ELF4: variants seen among roughly 807,000 people sequenced by gnomAD.
The protein encoded by ELF4 is ETS-related transcription factor Elf-4.
ELF4 carries 10 observed loss-of-function variants against 31.7 expected under a neutral mutation model. The observed-to-expected ratio is 0.32, with a 90% CI of 0.19 to 0.54. The LOEUF (loss-of-function observed/expected upper bound fraction) is 0.54. Ranked by LOEUF, ELF4 falls within the 20% of genes least tolerant of loss-of-function variation. ELF4 has a pLI of 0.95. For synonymous variants in ELF4, 208 were observed against 226.7 expected, an observed-to-expected ratio of 0.92 and a Z score of 0.74; for missense variants, 418 against 522.0, an observed-to-expected ratio of 0.80 and a Z score of 1.94.
At position 130,064,197 on chromosome X, in the gene ELF4, G is replaced by A. The variant is rs2063242351; in HGVS notation, c.*2524C>T. ...TCACGCCTGTAATCCCAGCACTTTG[G>A]GAGGCCAAGGTGGGTGGATCACCTG... On this transcript the variant is annotated 3_prime_UTR_variant, in exon 9 of 9. Coordinates refer to ENST00000308167, the MANE Select transcript of ELF4 (RefSeq NM_001421.4). Among the ~76,000 whole-genome samples, 1 of 110,692 alleles carries A rather than the reference G, an allele frequency of 9.0e-6. No individual in the cohort carries two copies. The highest frequency in any genetic ancestry group is 1.9e-5 in the Non-Finnish European group (1 of 52,928).
At chrX:130,083,172 G>A (rs1339064186) in intron 1 of ELF4, among the ~76,000 whole-genome samples, 1 of 98,476 alleles carries the variant, frequency 1.0e-5, no homozygotes, top group African/African-American at 3.8e-5. Context: ...CAACCTCTCA[G>A]GTCTGAATTT....
chrX:130,070,086 G>A (rs1049987900), intron 7 of ELF4, among the ~76,000 whole-genome samples: 7 of 111,672 alleles, frequency 6.3e-5, no homozygotes, highest in African/African-American at 2.3e-4. Flanking sequence ...GCTTGCAGAT[G>A]TGAAGAAAGC....
chrX:130,081,776 G>C (rs771198986), intron 1 of ELF4, among the ~76,000 whole-genome samples: 8 of 112,115 alleles, frequency 7.1e-5, no homozygotes, highest in Non-Finnish European at 1.5e-4. Flanking sequence ...GCTGAGTGTT[G>C]GTGCCCGTCT....
chrX:130,099,346 G>A (rs1198337325), intron 1 of ELF4, among the ~76,000 whole-genome samples: 1 of 111,937 alleles, frequency 8.9e-6, no homozygotes, highest in Non-Finnish European at 1.9e-5. Flanking sequence ...GGCAGAGGCG[G>A]GTGGATCGCC....
In ELF4 at chrX:130,064,970, G is replaced by A. The variant is rs1465983130; in HGVS notation, c.*1751C>T. 1 of 166,380 alleles carries A rather than the reference G, an allele frequency of 6.0e-6. No individual in the cohort carries two copies. The highest frequency in any genetic ancestry group is 3.0e-5 in the African/African-American group (1 of 33,516). 13.7% of individuals were successfully genotyped at this position (166,380 alleles called of 1,213,427 possible). On this transcript the variant is annotated 3_prime_UTR_variant, in exon 9 of 9. Transcript: ENST00000308167. The stretch of plus-strand genomic sequence containing the variant: ...TTTTATTAGAAAAAGGCACTTTAAT[G>A]CCAACTGCTGGAAACACGCATAGTA...
chrX:130,072,172 C>A (rs1190132698), intron 5 of ELF4, 54 bp downstream of exon 5: 14 of 1,147,959 alleles, frequency 1.2e-5, no homozygotes, highest in African/African-American at 9.0e-5. Flanking sequence ...ACCGCCCCCC[C>A]ACGCCCCGCC....
rs745865107 is a variant in ELF4, at chrX:130,074,645, G to T, written c.183C>A (p.Ile61=). ...TCATGCACAAGGTCCCGTCTGTTAT[G>T]ATGCCATTGTGAACGTCGTCCAACT... ...GLELDDVHNG[I]ITDGTLCMTQ... Residue 61 remains isoleucine (I), a synonymous_variant, in exon 3 of 9, where the codon ATC becomes ATA. Transcript: ENST00000308167. 2 of 1,211,869 alleles carry T rather than the reference G, an allele frequency of 1.7e-6. No individual in the cohort carries two copies. Among genetic ancestry groups the T allele is most frequent in the Non-Finnish European group, 2.2e-6 (2 of 895,597 alleles).
chrX:130,108,085 G>T (rs1285256929), intron 1 of ELF4, among the ~76,000 whole-genome samples: 1 of 111,815 alleles, frequency 8.9e-6, no homozygotes, highest in Non-Finnish European at 1.9e-5. Context: ...GTACATGCCT[G>T]TAATCCCAGC....
At chrX:130,073,661 G>A (rs985639932) in intron 4 of ELF4, among the ~76,000 whole-genome samples, 14 of 112,126 alleles carry the variant, frequency 1.2e-4, no homozygotes, top group Non-Finnish European at 1.9e-4. Context: ...ACAGGCTTGC[G>A]CCACCACGCC....
chrX:130,071,656 T>C (rs1932789143), intron 5 of ELF4, among the ~76,000 whole-genome samples: 1 of 112,569 alleles, frequency 8.9e-6, no homozygotes, highest in Admixed American at 9.4e-5. Context: ...TAAGTCACCT[T>C]TGTGAGAACA....
chrX:130,106,812 C>T (rs902966012), intron 1 of ELF4, among the ~76,000 whole-genome samples: 1 of 111,668 alleles, frequency 9.0e-6, no homozygotes, highest in East Asian at 2.8e-4. Flanking sequence ...TGCCCAGGGC[C>T]TTTCCCAGCT....
At chrX:130,075,223 C>T (rs1932822785) in intron 2 of ELF4, among the ~76,000 whole-genome samples, 1 of 110,459 alleles carries the variant, frequency 9.1e-6, no homozygotes, top group Admixed American at 9.6e-5. Flanking sequence ...CCTGCCTCAG[C>T]CTCCCAAAGT....
chrX:130,094,143 TCATGAGGTCAGGTGGGC>T (rs1933107043), intron 1 of ELF4, among the ~76,000 whole-genome samples: 1 of 109,023 alleles, frequency 9.2e-6, no homozygotes, highest in African/African-American at 3.5e-5. Flanking sequence ...GGTGGGCGGA[TCATGAGGTCAGGTGGGC>T]GGATCATGAG....
intron 3 of ELF4, 132 bp downstream of exon 3, chrX:130,074,449 A>T (rs1932815123): frequency 1.1e-6 from 1 of 902,513 alleles, no homozygotes; most frequent in African/African-American, 2.0e-5. Context: ...TCCTCTGTGA[A>T]GCAGCACAAC....
intron 1 of ELF4, among the ~76,000 whole-genome samples, chrX:130,088,632 G>A (rs1032274809): frequency 9.0e-6 from 1 of 111,069 alleles, no homozygotes; most frequent in Non-Finnish European, 1.9e-5. Flanking sequence ...AGAATCGCTT[G>A]AACCTGGGAG....
chrX:130,072,141 T>C, intron 5 of ELF4, 85 bp downstream of exon 5: 1 of 1,140,623 alleles, frequency 8.8e-7, no homozygotes. Context: ...AGCTGGCCTC[T>C]TAACACATCC....
chrX:130,080,407 G>A (rs1932876275), intron 2 of ELF4, among the ~76,000 whole-genome samples: 1 of 94,874 alleles, frequency 1.1e-5, no homozygotes, highest in East Asian at 3.3e-4. Context: ...CTGGGCGACA[G>A]AGTGAGACTT....
upstream of ELF4, among the ~76,000 whole-genome samples, chrX:130,111,682 G>A (rs1933492797): frequency 8.9e-6 from 1 of 111,847 alleles, no homozygotes; most frequent in Non-Finnish European, 1.9e-5. Context: ...CAAGTGCAAA[G>A]AGAGCCAGAG....
upstream of ELF4, among the ~76,000 whole-genome samples, chrX:130,110,963 A>C (rs1933477851): frequency 1.3e-5 from 1 of 78,757 alleles, no homozygotes; most frequent in Non-Finnish European, 2.4e-5. Context: ...GAGGGAGGGA[A>C]GAGCCGGAGG....
Sources: gnomAD v4.1 joint callset for allele counts (sites outside exome capture counted in the v4.1 genomes callset) on GRCh38, gnomAD v4.1.1 for gene constraint, MANE v1.5 for transcripts, NCBI Gene and HGNC (gene_info 2026-07-23, HGNC 2026-07-21) for gene names.